PCDH15: variants seen among roughly 807,000 people sequenced by gnomAD.
PCDH15 encodes protocadherin related 15.
PCDH15 carries 129 observed loss-of-function variants against 178.5 expected under a neutral mutation model. That is an observed-to-expected ratio of 0.72 (90% CI 0.63 to 0.84). The LOEUF is 0.84. PCDH15 is among the 40% of genes least tolerant of loss of function. The pLI is 0.00. For synonymous variants in PCDH15, 800 were observed against 732.0 expected (o/e 1.09, Z -1.50); for missense variants, 2,230 against 2,099.9 (o/e 1.06, Z -1.21).
chr10:54,641,492 T>G (rs2093986976), intron 2 of PCDH15, among the ~76,000 whole-genome samples: 1 of 152,098 alleles, frequency 6.6e-6, no homozygotes, highest in Non-Finnish European at 1.5e-5. Context: ...ATGGCCCTAT[T>G]CTACCTTATT....
chr10:54,526,288 A>G (rs1227221425), intron 3 of PCDH15, among the ~76,000 whole-genome samples: 2 of 152,222 alleles, frequency 1.3e-5, no homozygotes, highest in Non-Finnish European at 2.9e-5. Context: ...TTTGCTTAGG[A>G]AAACTAAATG....
At chr10:54,167,762 G>A (rs955291721) in intron 13 of PCDH15, among the ~76,000 whole-genome samples, 5 of 151,198 alleles carry the variant, frequency 3.3e-5, no homozygotes, top group Non-Finnish European at 4.4e-5. Flanking sequence ...TTATCTCTGC[G>A]CCCCAATCCC....
intron 1 of PCDH15, among the ~76,000 whole-genome samples, chr10:54,702,273 C>T (rs1565983319): frequency 6.6e-6 from 1 of 151,850 alleles, no homozygotes; most frequent in Non-Finnish European, 1.5e-5. Context: ...AAAGATACAA[C>T]ACATCAGAAT....
chr10:54,953,710 T>C (rs918172741), intron 2 of PCDH15, among the ~76,000 whole-genome samples: 1 of 151,302 alleles, frequency 6.6e-6, no homozygotes, highest in African/African-American at 2.4e-5. Context: ...TCATATTCTA[T>C]GAAAATTCCA....
intron 1 of PCDH15, among the ~76,000 whole-genome samples, chr10:54,697,935 G>A (rs1199165034): frequency 6.6e-6 from 1 of 152,004 alleles, no homozygotes; most frequent in East Asian, 1.9e-4. Context: ...TGTATACAGT[G>A]GCATCTGTAC....
intron 6 of PCDH15, among the ~76,000 whole-genome samples, 180 bp from the exon 7 acceptor site, chr10:54,329,886 A>G (rs890114825): frequency 1.3e-5 from 2 of 151,908 alleles, no homozygotes; most frequent in African/African-American, 4.8e-5. Flanking sequence ...ATTTTGATCA[A>G]TGGGTTTCCC....
chr10:55,503,049 G>C (rs1840689512), intron 2 of PCDH15, among the ~76,000 whole-genome samples: 1 of 151,304 alleles, frequency 6.6e-6, no homozygotes, highest in Admixed American at 6.6e-5. Context: ...TCATTCATTA[G>C]TTTTTATAGG....
At chr10:55,541,306 C>A (rs994827496) in intron 2 of PCDH15, among the ~76,000 whole-genome samples, 2 of 151,926 alleles carry the variant, frequency 1.3e-5, no homozygotes, top group Non-Finnish European at 2.9e-5. Context: ...CCAACTATAT[C>A]CCTAAGGATT....
At chr10:55,072,933 GC>G (rs1841789566) in intron 2 of PCDH15, among the ~76,000 whole-genome samples, 1 of 150,482 alleles carries the variant, frequency 6.6e-6, no homozygotes, top group African/African-American at 2.5e-5. Context: ...GGGATGCAAG[GC>G]TGGTTCAATA....
At chr10:54,364,905 T>G (rs530036529) in intron 5 of PCDH15, among the ~76,000 whole-genome samples, 7 of 152,290 alleles carry the variant, frequency 4.6e-5, no homozygotes, top group East Asian at 1.9e-4. Flanking sequence ...TTCAAGAGTA[T>G]TCTTGCATTT....
At chr10:54,967,507 C>A (rs964338947) in intron 2 of PCDH15, among the ~76,000 whole-genome samples, 3 of 152,004 alleles carry the variant, frequency 2.0e-5, no homozygotes, top group Non-Finnish European at 4.4e-5. Flanking sequence ...TATATTTTGG[C>A]TTCTTTCACT....
chr10:55,594,922 G>T (rs1842909968), intron 2 of PCDH15, among the ~76,000 whole-genome samples: 1 of 151,938 alleles, frequency 6.6e-6, no homozygotes, highest in Admixed American at 6.6e-5. Flanking sequence ...TAAGAATATT[G>T]ACTTTAAAAG....
chr10:55,044,183 A>G (rs1840940263), intron 2 of PCDH15, among the ~76,000 whole-genome samples: 1 of 152,116 alleles, frequency 6.6e-6, no homozygotes, highest in Non-Finnish European at 1.5e-5. Flanking sequence ...ATAAACAAGA[A>G]CAACTATGGT....
chr10:54,108,425 A>G (rs1202224867), intron 15 of PCDH15, among the ~76,000 whole-genome samples: 1 of 152,182 alleles, frequency 6.6e-6, no homozygotes, highest in South Asian at 2.1e-4. Context: ...ATGCCGGCTC[A>G]CAGAAGGAGT....
chr10:55,357,957 A>G (rs1331682493), intron 2 of PCDH15, among the ~76,000 whole-genome samples: 1 of 152,114 alleles, frequency 6.6e-6, no homozygotes, highest in Non-Finnish European at 1.5e-5. Flanking sequence ...ACCTGGTGCC[A>G]AGAAAATCAC....
In PCDH15 at chr10:54,642,421, C is replaced by A. The variant is rs73253030; in HGVS notation, c.91+21751G>T. Among the ~76,000 whole-genome samples, 820 of 152,236 alleles carry A rather than the reference C, an allele frequency of 5.4e-3. 17 individuals are homozygous for A. The highest frequency in any genetic ancestry group is 0.019 in the African/African-American group (797 of 41,534). On this transcript the variant is annotated intron_variant, in intron 2 of 37. Transcript: ENST00000644397. ...ACTAAGACAAGACACTTGATCTCAC[C>A]TCGCTTACTTCTGGTCATGGAGGCT...
At chr10:54,357,946 A>G (rs1169914245) in intron 5 of PCDH15, among the ~76,000 whole-genome samples, 1 of 152,040 alleles carries the variant, frequency 6.6e-6, no homozygotes, top group Non-Finnish European at 1.5e-5. Context: ...GGTGCTGGGA[A>G]AACTGGCTAG....
At chr10:53,974,886 T>C (rs1304980561) in intron 21 of PCDH15, among the ~76,000 whole-genome samples, 1 of 152,192 alleles carries the variant, frequency 6.6e-6, no homozygotes, top group Admixed American at 6.6e-5. Context: ...ATCGAGGTAG[T>C]GAGCATAGTA....
At chr10:54,599,308 T>C (rs565556391) in intron 2 of PCDH15, among the ~76,000 whole-genome samples, 7 of 152,076 alleles carry the variant, frequency 4.6e-5, no homozygotes, top group African/African-American at 1.2e-4. Flanking sequence ...CAAGAACATA[T>C]GCATAGACCA....
Sources: allele counts gnomAD v4.1 joint callset (sites outside exome capture counted in the v4.1 genomes callset), GRCh38; gene constraint gnomAD v4.1.1; transcripts MANE v1.5; gene names NCBI Gene and HGNC (gene_info 2026-07-23, HGNC 2026-07-21).